The following FSTL4 variants were observed in gnomAD, a reference collection of about 807,000 sequenced individuals.
FSTL4 encodes follistatin like 4, also known as follistatin-related protein 4.
Under a neutral mutation model 78.2 loss-of-function variants are expected in FSTL4, and 28 were observed. The observed-to-expected ratio is 0.36, with a 90% CI of 0.27 to 0.49. The LOEUF (loss-of-function observed/expected upper bound fraction) is 0.49. FSTL4 is among the 20% of genes least tolerant of loss of function. The pLI is 0.98. For synonymous variants in FSTL4, 422 were observed against 440.5 expected, an observed-to-expected ratio of 0.96 and a Z score of 0.53; for missense variants, 922 against 1,084.9, an observed-to-expected ratio of 0.85 and a Z score of 2.11.
At chr5:133,540,627 C>A (rs1309918799) in intron 3 of FSTL4, among the ~76,000 whole-genome samples, 4 of 142,988 alleles carry the variant, frequency 2.8e-5, no homozygotes, top group Non-Finnish European at 6.0e-5. Flanking sequence ...GGAAATGGAA[C>A]AAGTTTGACT....
chr5:133,660,903 A>G, the FSTL4 span, among the ~76,000 whole-genome samples: 12 of 152,258 alleles, frequency 7.9e-5, no homozygotes, highest in African/African-American at 2.9e-4. Context: ...TTTAATGAAC[A>G]GACAGACACT....
chr5:133,210,034 G>A (rs1291708746), intron 14 of FSTL4, 157 bp downstream of exon 14: 6 of 546,634 alleles, frequency 1.1e-5, no homozygotes, highest in African/African-American at 5.6e-5. Context: ...GAGGGGCATT[G>A]GCCTGAGGCT....
chr5:133,833,348 A>C, the FSTL4 span, among the ~76,000 whole-genome samples: 1 of 152,254 alleles, frequency 6.6e-6, no homozygotes, highest in African/African-American at 2.4e-5. Flanking sequence ...TTATTAAGAA[A>C]TGATTTTTTT....
intron 3 of FSTL4, among the ~76,000 whole-genome samples, chr5:133,530,510 C>T (rs955644366): frequency 2.6e-5 from 4 of 152,194 alleles, no homozygotes; most frequent in African/African-American, 9.7e-5. Context: ...AAGACAAAGA[C>T]AAGTAAATAA....
intron 3 of FSTL4, among the ~76,000 whole-genome samples, chr5:133,408,035 C>T (rs934343824): frequency 2.6e-5 from 4 of 152,144 alleles, no homozygotes; most frequent in African/African-American, 7.2e-5. Context: ...CACAAACTTT[C>T]GGGTTCTCTT....
chr5:133,273,747 A>G (rs1006415234), intron 6 of FSTL4, among the ~76,000 whole-genome samples: 3 of 152,122 alleles, frequency 2.0e-5, no homozygotes, highest in African/African-American at 7.2e-5. Context: ...GCTGAAGGGA[A>G]ACCTACGTTT....
intron 3 of FSTL4, among the ~76,000 whole-genome samples, chr5:133,502,288 G>A (rs1164596802): frequency 6.6e-6 from 1 of 152,216 alleles, no homozygotes; most frequent in East Asian, 1.9e-4. Context: ...GCTTTGTCTG[G>A]CTGGTGGCAG....
rs141800776 is a variant in FSTL4 at position 133,289,207 on chromosome 5, G to A, written c.727+23447C>T. ...ATGAGGTCACAACCCCAACTGCCCC[G>A]CTATTGATCTGCCCACCTTTAGCAG... On this transcript the variant is annotated intron_variant, in intron 6 of 15. Coordinates refer to ENST00000265342, the MANE Select transcript of FSTL4 (RefSeq NM_015082.2). Among the ~76,000 whole-genome samples, 107 of 152,302 alleles carry A rather than the reference G, an allele frequency of 7.0e-4. No individual in the cohort carries two copies. The East Asian group carries it at 0.019, about 27-fold the overall frequency.
chr5:133,580,912 A>C (rs1325541283), intron 2 of FSTL4, among the ~76,000 whole-genome samples: 1 of 152,078 alleles, frequency 6.6e-6, no homozygotes, highest in Non-Finnish European at 1.5e-5. Context: ...CGCCTCCTTC[A>C]ATCTGCACAG....
At chr5:133,746,742 CA>C in the FSTL4 span, among the ~76,000 whole-genome samples, 2 of 152,024 alleles carry the variant, frequency 1.3e-5, no homozygotes, top group African/African-American at 4.8e-5. Flanking sequence ...ACCAAGAAAG[CA>C]AAGAGAAACT....
chr5:133,834,405 C>A, the FSTL4 span, among the ~76,000 whole-genome samples: 1 of 151,388 alleles, frequency 6.6e-6, no homozygotes, highest in Admixed American at 6.6e-5. Context: ...CAGTAAATGA[C>A]TAAAGGTAAG....
chr5:133,481,248 T>G (rs1758021144), intron 3 of FSTL4, among the ~76,000 whole-genome samples: 1 of 152,184 alleles, frequency 6.6e-6, no homozygotes, highest in Non-Finnish European at 1.5e-5. Context: ...ATTCAAGAGC[T>G]ATCAAGCATT....
chr5:133,828,513 T>C, the FSTL4 span, among the ~76,000 whole-genome samples: 7 of 152,358 alleles, frequency 4.6e-5, no homozygotes, highest in East Asian at 1.3e-3. Flanking sequence ...CTCAGATCGC[T>C]ACATCCGTTC....
intron 3 of FSTL4, among the ~76,000 whole-genome samples, chr5:133,441,959 T>C (rs1486186467): frequency 6.6e-6 from 1 of 152,164 alleles, no homozygotes; most frequent in Non-Finnish European, 1.5e-5. Context: ...AACCAGTGAG[T>C]TGCTGGCATT....
At chr5:133,774,171 T>C in the FSTL4 span, among the ~76,000 whole-genome samples, 1 of 152,220 alleles carries the variant, frequency 6.6e-6, no homozygotes, top group South Asian at 2.1e-4. Flanking sequence ...TTGGCAGTTT[T>C]GAAGGAGTTT....
rs1018963439 is a variant in FSTL4, at chr5:133,199,835, G to C, written c.1827-38C>G. 1.5e-5 allele frequency: 17 copies of C among 1,123,040 alleles called. No individual in the cohort carries two copies. The highest frequency in any genetic ancestry group is 4.0e-4 in the Middle Eastern group (2 of 4,992). The allele number at this position is 1,123,040 out of a possible 1,614,324, so 69.6% of individuals were successfully genotyped here. A position where few individuals can be genotyped will look rare whatever the true frequency, so the allele number is the denominator to read the frequency against. On this transcript the variant is annotated intron_variant, in intron 15 of 15. Transcript: ENST00000265342. The surrounding 1 kb of genome is among the most constrained non-coding windows in gnomAD (Gnocchi z 4.4). Reference sequence around the variant, plus strand: ...GAACTGAGGTCAGAAGTTGCCTCCAGGGGTGGGGAATCTGTCATTTGTCTT... The same window carrying C: ...GAACTGAGGTCAGAAGTTGCCTCCACGGGTGGGGAATCTGTCATTTGTCTT...
chr5:133,732,476 C>A, the FSTL4 span, among the ~76,000 whole-genome samples: 2 of 152,158 alleles, frequency 1.3e-5, no homozygotes, highest in Non-Finnish European at 2.9e-5. Context: ...TTGCCCTTCA[C>A]TTCCCTAGTC....
chr5:133,288,631 TGCCTGAGCCCCTTG>T (rs1478712403), intron 6 of FSTL4, among the ~76,000 whole-genome samples: 1 of 152,250 alleles, frequency 6.6e-6, no homozygotes, highest in Non-Finnish European at 1.5e-5. Context: ...AAAGAGCCTC[TGCCTGAGCCCCTTG>T]GCCCTGGATG....
chr5:133,300,356 G>A (rs117602345), intron 6 of FSTL4, among the ~76,000 whole-genome samples: 1 of 152,336 alleles, frequency 6.6e-6, no homozygotes, highest in East Asian at 1.9e-4. Flanking sequence ...CTTTCTAGAT[G>A]CTGAGTTATT....
Sources: allele counts gnomAD v4.1 joint callset (sites outside exome capture counted in the v4.1 genomes callset), GRCh38; gene constraint gnomAD v4.1.1; non-coding constraint Gnocchi (gnomAD v3.1); transcripts MANE v1.5; gene names NCBI Gene and HGNC (gene_info 2026-07-23, HGNC 2026-07-21).